The following ADAMTSL1 variants were observed in gnomAD, a reference collection of about 807,000 sequenced individuals.
ADAMTSL1 encodes the protein ADAMTS-like protein 1.
In ADAMTSL1, 126 loss-of-function variants were observed where a neutral mutation model predicts 201.8. The ratio of observed to expected loss-of-function variants is 0.62; its 90% CI spans 0.54 to 0.72. The LOEUF is 0.72. Among genes scored for constraint, ADAMTSL1 ranks in the 30% least tolerant of loss-of-function variants. ADAMTSL1 has a pLI of 0.00. For synonymous variants in ADAMTSL1, 1,121 were observed against 903.4 expected (o/e 1.24, Z -4.32); for missense variants, 2,679 against 2,277.8 (o/e 1.18, Z -3.59).
chr9:18,574,069 T>C lies in ADAMTSL1; in HGVS notation c.277T>C (p.Cys93Arg). ...PEAGDFRAQQCSAHNDVKHHG... is the reference protein window; with the variant it reads ...PEAGDFRAQQRSAHNDVKHHG... Reference sequence around the variant, plus strand: ...AGCAGGTGATTTCCGAGCTCAGCAATGCTCAGCTCATAATGATGTCAAGCA... The same window carrying C: ...AGCAGGTGATTTCCGAGCTCAGCAACGCTCAGCTCATAATGATGTCAAGCA... The change falls in exon 4 of 29, where the codon TGC becomes CGC. Residue 93 changes from cysteine (C) to arginine (R), a missense_variant. Physicochemically the swap from Cys to Arg is radical, Grantham distance 180 (BLOSUM62 -3). Transcript: ENST00000380548. The C allele has an allele frequency of 1.2e-6, 2 of 1,614,130 alleles. No homozygotes were observed. The highest frequency in any genetic ancestry group is 1.1e-5 in the South Asian group (1 of 91,086).
At position 18,658,064 on chromosome 9, in the gene ADAMTSL1, T is replaced by G. The variant is rs562527740; in HGVS notation, c.946+314T>G. ...ATCTCGGCTCGCTGCAAGCTCCGCC[T>G]CCCGAGTTCACGCCATTCTCCTGCC... On this transcript the variant is annotated intron_variant, in intron 8 of 28. Coordinates refer to ENST00000380548, the MANE Select transcript of ADAMTSL1 (RefSeq NM_001040272.6). Among the ~76,000 whole-genome samples the G allele has an allele frequency of 1.5e-3, 213 of 145,780 alleles. 2 individuals are homozygous for G. The highest frequency in any genetic ancestry group is 5.1e-3 in the African/African-American group (201 of 39,338).
rs1438372810 is a variant in ADAMTSL1, at chr9:18,830,106, A to G, written c.4249+129A>G. 2.4e-6 allele frequency: 3 copies of G among 1,275,492 alleles called. No individual in the cohort carries two copies. In the Admixed American group the frequency reaches 7.2e-5, roughly 31 times the overall value. 79.0% of individuals were successfully genotyped at this position (1,275,492 alleles called of 1,614,324 possible). On this transcript the variant is annotated intron_variant, in intron 23 of 28. Transcript: ENST00000380548. ...CCAACAGGGAATCACTAAATTGCCT[A>G]CAGAATCCAGACTCACCAGTGGAAA...
At chr9:18,435,572 T>C (rs924216170) in intron 2 of ADAMTSL1, among the ~76,000 whole-genome samples, 1 of 152,090 alleles carries the variant, frequency 6.6e-6, no homozygotes, top group African/African-American at 2.4e-5. Flanking sequence ...CAGGGAAGGG[T>C]TCTGACAGAG....
chr9:18,236,531 C>G (rs1317584485), intron 2 of ADAMTSL1, among the ~76,000 whole-genome samples: 2 of 152,194 alleles, frequency 1.3e-5, no homozygotes, highest in Admixed American at 6.5e-5. Context: ...AAACCTGCTT[C>G]CCTTTCCTGT....
intron 1 of ADAMTSL1, among the ~76,000 whole-genome samples, chr9:18,074,700 C>T (rs1288544264): frequency 1.3e-5 from 2 of 152,026 alleles, no homozygotes; most frequent in African/African-American, 2.4e-5. Flanking sequence ...AAGTGATTCT[C>T]CTGCCTCAGC....
intron 4 of ADAMTSL1, among the ~76,000 whole-genome samples, chr9:18,619,501 C>T (rs115190649): frequency 6.6e-6 from 1 of 152,072 alleles, no homozygotes; most frequent in Non-Finnish European, 1.5e-5. Flanking sequence ...GGTTCATATC[C>T]TGGGGTCCGT....
chr9:18,868,175 T>C (rs1302481366), intron 23 of ADAMTSL1, among the ~76,000 whole-genome samples: 1 of 152,236 alleles, frequency 6.6e-6, no homozygotes. Flanking sequence ...CCAATTGATT[T>C]TTTATTACTT....
At chr9:18,596,219 C>T (rs1308359502) in intron 4 of ADAMTSL1, among the ~76,000 whole-genome samples, 4 of 152,210 alleles carry the variant, frequency 2.6e-5, no homozygotes, top group South Asian at 2.1e-4. Flanking sequence ...GGGACATGAA[C>T]GTAAGTGTTA....
At chr9:18,606,081 G>A (rs1012727997) in intron 4 of ADAMTSL1, among the ~76,000 whole-genome samples, 2 of 152,112 alleles carry the variant, frequency 1.3e-5, no homozygotes, top group African/African-American at 4.8e-5. Context: ...GCAGGGTTAG[G>A]CCGCCCAGAT....
intron 1 of ADAMTSL1, among the ~76,000 whole-genome samples, chr9:18,044,019 C>T (rs1304960894): frequency 6.7e-6 from 1 of 148,212 alleles, no homozygotes; most frequent in Non-Finnish European, 1.5e-5. Context: ...CTATCATTTC[C>T]TCCTTGTGTC....
At chr9:18,658,225 C>T (rs1331811583) in intron 8 of ADAMTSL1, among the ~76,000 whole-genome samples, 6 of 152,290 alleles carry the variant, frequency 3.9e-5, no homozygotes, top group Non-Finnish European at 5.9e-5. Context: ...CCGCCCACCT[C>T]GGCCTCCCAA....
At chr9:18,862,562 G>C (rs1400015401) in intron 23 of ADAMTSL1, among the ~76,000 whole-genome samples, 3 of 152,180 alleles carry the variant, frequency 2.0e-5, no homozygotes, top group Non-Finnish European at 4.4e-5. Context: ...CAGACCAAAT[G>C]TGAAACATCA....
At position 18,420,739 on chromosome 9, in the gene ADAMTSL1, A is replaced by T. The variant is rs559421463; in HGVS notation, c.208-84090A>T. ...TGGGAAGCTCTTTACAGTTTGCTGAATGAATGGGGGAATGAAATCCTTCAA... is the reference window on the plus strand; with the variant it reads ...TGGGAAGCTCTTTACAGTTTGCTGATTGAATGGGGGAATGAAATCCTTCAA... On this transcript the variant is annotated intron_variant, in intron 2 of 29. Transcript: ENST00000680146. Among the ~76,000 whole-genome samples the T allele has an allele frequency of 1.3e-4, 20 of 152,362 alleles. No individual in the cohort carries two copies. In the South Asian group the frequency reaches 4.1e-3, roughly 32 times the overall value.
intron 14 of ADAMTSL1, among the ~76,000 whole-genome samples, chr9:18,712,146 A>G (rs553999996): frequency 2.0e-5 from 3 of 152,066 alleles, no homozygotes; most frequent in African/African-American, 7.2e-5. Context: ...AAAGATGGGG[A>G]AAAAAACAGA....
intron 1 of ADAMTSL1, among the ~76,000 whole-genome samples, chr9:18,026,840 T>A (rs1352760315): frequency 2.0e-5 from 3 of 151,976 alleles, no homozygotes; most frequent in Non-Finnish European, 4.4e-5. Flanking sequence ...TGTCCAGGGC[T>A]TTTTTTGGTT....
Position 18,776,821 on chromosome 9 carries a change from G to A in ADAMTSL1, c.2592G>A (p.Ala864=), listed in dbSNP as rs2060363. The change falls in exon 19 of 29, where the codon GCG becomes GCA. Residue 864 remains alanine (A), a synonymous_variant. Coordinates refer to ENST00000380548, the MANE Select transcript of ADAMTSL1 (RefSeq NM_001040272.6). The stretch of plus-strand genomic sequence containing the variant: ...CCACGAAGCACAGCCCGCACATCGC[G>A]GCCGCCAGGAAGGTCTACATACAGA... ...RPSTKHSPHI[A]AARKVYIQTR... The A allele has an allele frequency of 0.054, 85,097 of 1,575,764 alleles. 2,489 individuals are homozygous for A. Among genetic ancestry groups the A allele is most frequent in the African/African-American group, 0.079 (5,848 of 74,130 alleles).
chr9:18,653,447 C>G (rs998607865), intron 7 of ADAMTSL1, among the ~76,000 whole-genome samples: 4 of 152,114 alleles, frequency 2.6e-5, no homozygotes, highest in African/African-American at 9.7e-5. Context: ...ATCTACTGCC[C>G]TACTCAAGGG....
intron 13 of ADAMTSL1, among the ~76,000 whole-genome samples, chr9:18,700,958 T>A (rs940394007): frequency 5.3e-5 from 8 of 152,196 alleles, no homozygotes; most frequent in African/African-American, 1.9e-4. Flanking sequence ...AAACCCTATT[T>A]ATTTAGGCAA....
At chr9:18,103,787 G>A (rs1258915957) in intron 1 of ADAMTSL1, among the ~76,000 whole-genome samples, 1 of 152,092 alleles carries the variant, frequency 6.6e-6, no homozygotes. Flanking sequence ...AAGCTGGAAG[G>A]GGCTTTAGAC....
Sources: gnomAD v4.1 joint callset for allele counts (sites outside exome capture counted in the v4.1 genomes callset) on GRCh38, gnomAD v4.1.1 for gene constraint, MANE v1.5 for transcripts, NCBI Gene and HGNC (gene_info 2026-07-23, HGNC 2026-07-21) for gene names.